RCOR1: variants seen among roughly 807,000 people sequenced by gnomAD.
The protein encoded by RCOR1 is REST corepressor.
Under a neutral mutation model 64.0 loss-of-function variants are expected in RCOR1, and 12 were observed. The observed-to-expected ratio is 0.19, with a 90% CI of 0.12 to 0.30. The LOEUF (loss-of-function observed/expected upper bound fraction) is 0.30, where lower values mean the gene tolerates loss of function less well. Among genes scored for constraint, RCOR1 ranks in the 10% least tolerant of loss-of-function variants. The probability of loss-of-function intolerance (pLI) is 1.00; values close to 1 mark genes in which losing one functional copy is unlikely to be tolerated. For synonymous variants in RCOR1, 279 were observed against 227.2 expected, an observed-to-expected ratio of 1.23 and a Z score of -2.05; for missense variants, 502 against 621.2, an observed-to-expected ratio of 0.81 and a Z score of 2.04.
intron 2 of RCOR1, among the ~76,000 whole-genome samples, chr14:102,653,983 C>CTTTCTTTCTTTCTTTCTT (rs1334055763): frequency 3.0e-5 from 1 of 33,172 alleles, no homozygotes; most frequent in African/African-American, 8.9e-5. Context: ...TTCTTTCTTT[C>CTTTCTTTCTTTCTTTCTT]TTTTTTTTTT....
chr14:102,725,882 C>A (rs55929680), intron 11 of RCOR1, among the ~76,000 whole-genome samples: 1 of 152,150 alleles, frequency 6.6e-6, no homozygotes, highest in Non-Finnish European at 1.5e-5. Context: ...TTTTCAGGCA[C>A]TTAAATTTAA....
At chr14:102,636,178 T>C (rs1894232927) in intron 2 of RCOR1, among the ~76,000 whole-genome samples, 1 of 152,134 alleles carries the variant, frequency 6.6e-6, no homozygotes, top group Non-Finnish European at 1.5e-5. Context: ...GACCTCGTGA[T>C]CTGCCCGCCT....
chr14:102,599,191 A>C (rs1368941656), intron 2 of RCOR1, among the ~76,000 whole-genome samples: 2 of 151,490 alleles, frequency 1.3e-5, no homozygotes, highest in East Asian at 3.9e-4. Context: ...TGGTGTGATC[A>C]TGGCGGCAGT....
At chr14:102,620,396 C>T (rs1004170319) in intron 2 of RCOR1, among the ~76,000 whole-genome samples, 9 of 152,124 alleles carry the variant, frequency 5.9e-5, no homozygotes, top group Non-Finnish European at 1.2e-4. Context: ...GGAGAAACCC[C>T]ATCTCTACTA....
In RCOR1 at chr14:102,593,037, G is replaced by T; in HGVS notation, c.151G>T (p.Ala51Ser). 3.1e-6 allele frequency: 4 copies of T among 1,290,192 alleles called. No individual in the cohort carries two copies. The highest frequency in any genetic ancestry group is 2.0e-6 in the Non-Finnish European group (2 of 1,010,604). The allele number at this position is 1,290,192 out of a possible 1,614,324, so 79.9% of individuals were successfully genotyped here. The change falls in exon 1 of 12, where the codon GCC becomes TCC. Residue 51 changes from alanine to serine, a missense_variant. Physicochemically the swap from Ala to Ser is moderately conservative, Grantham distance 99 (BLOSUM62 1). This residue lies in a region of RCOR1 where 242 missense variants were observed against 204.9 expected (regional missense o/e 1.18). Coordinates refer to ENST00000262241, the MANE Select transcript of RCOR1 (RefSeq NM_015156.4). Reference sequence around the variant, plus strand: ...CGCCACTGCCGCCTCGGGCGCCGCCGCCTCCTCAGCCTCGGCCGCCGCCGC... The same window carrying T: ...CGCCACTGCCGCCTCGGGCGCCGCCTCCTCCTCAGCCTCGGCCGCCGCCGC... ...PAATAASGAA[A>S]SSASAAAASA...
intron 3 of RCOR1, among the ~76,000 whole-genome samples, chr14:102,694,884 TGAGA>T (rs1247728245): frequency 2.0e-5 from 3 of 152,266 alleles, no homozygotes; most frequent in Admixed American, 6.5e-5. Flanking sequence ...AGTTGAGTGA[TGAGA>T]GAGAAATTGG....
intron 1 of RCOR1, 29 bp from the exon 2 acceptor site, chr14:102,593,237 C>G: frequency 1.3e-6 from 2 of 1,493,940 alleles, no homozygotes; most frequent in Non-Finnish European, 1.8e-6. Context: ...CCGCGCCGCG[C>G]TGACCGCCGT....
intron 2 of RCOR1, among the ~76,000 whole-genome samples, chr14:102,663,548 T>C (rs905637606): frequency 1.3e-5 from 2 of 152,236 alleles, no homozygotes; most frequent in African/African-American, 2.4e-5. Flanking sequence ...AATTGTGTTA[T>C]AGGATAATCT....
chr14:102,705,582 G>C (rs1157705412), intron 4 of RCOR1, among the ~76,000 whole-genome samples: 1 of 152,126 alleles, frequency 6.6e-6, no homozygotes, highest in Non-Finnish European at 1.5e-5. Context: ...CCAAGTAGCT[G>C]CAGTTACAGG....
chr14:102,657,368 A>G, intron 2 of RCOR1: 1 of 985,328 alleles, frequency 1.0e-6, no homozygotes, highest in Non-Finnish European at 1.2e-6. Flanking sequence ...TCCTAATTTA[A>G]GACCGATTTA....
At chr14:102,675,913 C>T (rs900040285) in intron 2 of RCOR1, among the ~76,000 whole-genome samples, 13 of 152,140 alleles carry the variant, frequency 8.5e-5, no homozygotes, top group African/African-American at 3.1e-4. Flanking sequence ...GGAAGTAGGT[C>T]TAGGTTGTTG....
chr14:102,698,711 C>G (rs914532237), intron 3 of RCOR1, among the ~76,000 whole-genome samples: 1 of 152,180 alleles, frequency 6.6e-6, no homozygotes, highest in Admixed American at 6.5e-5. Flanking sequence ...GTTTCTAGGT[C>G]TGGTATGCTG....
At chr14:102,721,834 A>C (rs746245115) in intron 10 of RCOR1, among the ~76,000 whole-genome samples, 2 of 152,186 alleles carry the variant, frequency 1.3e-5, no homozygotes, top group Non-Finnish European at 2.9e-5. Flanking sequence ...AGGAAGTACA[A>C]AACCCCAAAA....
intron 2 of RCOR1, among the ~76,000 whole-genome samples, chr14:102,613,553 C>G (rs1567407878): frequency 1.3e-5 from 2 of 151,432 alleles, no homozygotes; most frequent in Non-Finnish European, 2.9e-5. Context: ...CTGCCTCAGC[C>G]TCCCGAGTAG....
intron 4 of RCOR1, among the ~76,000 whole-genome samples, chr14:102,704,685 C>T (rs1293684327): frequency 6.6e-6 from 1 of 152,254 alleles, no homozygotes; most frequent in African/African-American, 2.4e-5. Flanking sequence ...TCACGTCGGC[C>T]TTCCGAAGTG....
chr14:102,634,871 A>ATT lies in RCOR1; in HGVS notation c.361+41560_361+41561dup, dbSNP rs757143284. 1.1e-3 allele frequency among the ~76,000 whole-genome samples: 150 copies of ATT among 137,496 alleles called. 2 individuals are homozygous for ATT. Among genetic ancestry groups the ATT allele is most frequent in the African/African-American group, 3.3e-3 (126 of 37,614 alleles). The allele number at this position is 137,496 out of a possible 152,430, so 90.2% of individuals were successfully genotyped here. On this transcript the variant is annotated intron_variant, in intron 2 of 11. Coordinates refer to ENST00000262241, the MANE Select transcript of RCOR1 (RefSeq NM_015156.4). Reference sequence around the variant, plus strand: ...GCCACCATGCCTGGCTAATTTTTGTATTTTTTTTTTTTTTTAAGTACAGAA... The same window carrying ATT: ...GCCACCATGCCTGGCTAATTTTTGTATTTTTTTTTTTTTTTTTAAGTACAGAA...
At position 102,704,879 on chromosome 14, in the gene RCOR1, A is replaced by G. The variant is rs574908519; in HGVS notation, c.499-2472A>G. Among the ~76,000 whole-genome samples, 143 of 152,268 alleles carry G rather than the reference A, an allele frequency of 9.4e-4. 1 individual carries two copies. Among genetic ancestry groups the G allele is most frequent in the African/African-American group, 3.3e-3 (138 of 41,540 alleles). On this transcript the variant is annotated intron_variant, in intron 4 of 11. Coordinates refer to ENST00000262241, the MANE Select transcript of RCOR1 (RefSeq NM_015156.4). ...GTGGTGTGTGCCTGTGGTCCCAGCT[A>G]CTTGGGAGGATGAGATGGGAAGATT...
At position 102,729,861 on chromosome 14, in the gene RCOR1, T is replaced by C. The variant is rs1896336163; in HGVS notation, c.*3355T>C. 2.5e-6 allele frequency: 1 copy of C among 398,956 alleles called. No homozygotes were observed. The allele number at this position is 398,956 out of a possible 1,614,324, so 24.7% of individuals were successfully genotyped here. A position where few individuals can be genotyped will look rare whatever the true frequency, so the allele number is the denominator to read the frequency against. On this transcript the variant is annotated 3_prime_UTR_variant, in exon 12 of 12. Coordinates refer to ENST00000262241, the MANE Select transcript of RCOR1 (RefSeq NM_015156.4). ...AGCCAACTCCAACGAGGGCCTCTTT[T>C]TCTCTCTTGTCTAGCCTGTTTCTAA...
intron 2 of RCOR1, among the ~76,000 whole-genome samples, chr14:102,660,024 T>C (rs766733857): frequency 7.2e-5 from 11 of 152,206 alleles, no homozygotes; most frequent in Non-Finnish European, 1.6e-4. Context: ...CCAAGCAGCT[T>C]ATGCATGTAT....
Sources: gnomAD v4.1 joint callset for allele counts (sites outside exome capture counted in the v4.1 genomes callset) on GRCh38, gnomAD v4.1.1 for gene constraint, gnomAD v4.1.1 regional missense constraint, MANE v1.5 for transcripts, NCBI Gene and HGNC (gene_info 2026-07-23, HGNC 2026-07-21) for gene names.